The following FAM135B variants were observed in gnomAD, a reference collection of about 807,000 sequenced individuals.
FAM135B encodes protein FAM135B.
Under a neutral mutation model 127.7 loss-of-function variants are expected in FAM135B, and 43 were observed. The ratio of observed to expected loss-of-function variants is 0.34; its 90% CI spans 0.26 to 0.43. The LOEUF is 0.43. Ranked by LOEUF, FAM135B falls within the 20% of genes least tolerant of loss-of-function variation. The probability of loss-of-function intolerance (pLI) is 1.00; values close to 1 mark genes in which losing one functional copy is unlikely to be tolerated. For synonymous variants in FAM135B, 670 were observed against 665.1 expected (o/e 1.01, Z -0.11); for missense variants, 1,558 against 1,725.6 (o/e 0.90, Z 1.72).
At chr8:138,327,927 T>C (rs1827917401) in intron 2 of FAM135B, among the ~76,000 whole-genome samples, 1 of 152,054 alleles carries the variant, frequency 6.6e-6, no homozygotes, top group South Asian at 2.1e-4. Flanking sequence ...TGAGAGAGAC[T>C]TCATATTGCA....
At chr8:138,188,086 A>C (rs1815752321) in intron 9 of FAM135B, among the ~76,000 whole-genome samples, 1 of 152,186 alleles carries the variant, frequency 6.6e-6, no homozygotes, top group Non-Finnish European at 1.5e-5. Context: ...TTCAACTGCT[A>C]GGAGGAGCTC....
At chr8:138,493,210 C>A (rs1772892106) in intron 1 of FAM135B, among the ~76,000 whole-genome samples, 1 of 152,164 alleles carries the variant, frequency 6.6e-6, no homozygotes, top group Non-Finnish European at 1.5e-5. Context: ...GATAGCTCAG[C>A]AGATATTAGC....
intron 9 of FAM135B, among the ~76,000 whole-genome samples, chr8:138,190,546 C>G (rs1343616891): frequency 1.3e-5 from 2 of 152,158 alleles, no homozygotes; most frequent in African/African-American, 4.8e-5. Flanking sequence ...TTGGAAGAAC[C>G]CTGCAAAGCT....
intron 2 of FAM135B, among the ~76,000 whole-genome samples, chr8:138,314,879 CAAAAAAAA>C (rs35189245): frequency 4.7e-5 from 4 of 85,480 alleles, no homozygotes; most frequent in African/African-American, 1.8e-4. Flanking sequence ...GACCTTACCT[CAAAAAAAA>C]AAAAAAAAAA....
chr8:138,280,870 C>A (rs1447558507), intron 3 of FAM135B, among the ~76,000 whole-genome samples: 1 of 152,030 alleles, frequency 6.6e-6, no homozygotes, highest in Admixed American at 6.6e-5. Flanking sequence ...GAGGGTGCAT[C>A]ATCGCATGCA....
intron 4 of FAM135B, among the ~76,000 whole-genome samples, chr8:138,260,262 C>T (rs1254366878): frequency 6.6e-6 from 1 of 152,206 alleles, no homozygotes; most frequent in Non-Finnish European, 1.5e-5. Context: ...GCCTCACTAA[C>T]TGACCAGGGC....
rs55837421 is a variant in FAM135B, at chr8:138,242,165, TTGTGTGTGTG to T, written c.669+767_669+776del. Among the ~76,000 whole-genome samples the T allele has an allele frequency of 0.014, 1,768 of 130,068 alleles. 15 individuals carry two copies. The highest frequency in any genetic ancestry group is 0.036 in the Middle Eastern group (9 of 248). The allele number at this position is 130,068 out of a possible 152,430, so 85.3% of individuals were successfully genotyped here. A position where few individuals can be genotyped will look rare whatever the true frequency, so the allele number is the denominator to read the frequency against. ...AGTCAATTACTTATGATAAATCTCTTTGTGTGTGTGTGTGTGTGTGTGTGTGTGTGTGTGT... is the reference window on the plus strand; with the variant it reads ...AGTCAATTACTTATGATAAATCTCTTTGTGTGTGTGTGTGTGTGTGTGTGT... On this transcript the variant is annotated intron_variant, in intron 7 of 19. Transcript: ENST00000395297. This position sits in a 1 kb window ranked among gnomAD's most constrained non-coding sequence, Gnocchi z 9.6.
chr8:138,386,899 C>T (rs958929205), intron 1 of FAM135B, among the ~76,000 whole-genome samples: 3 of 151,966 alleles, frequency 2.0e-5, no homozygotes, highest in Admixed American at 6.6e-5. Context: ...GGAAGTATGA[C>T]GAGATAATGA....
chr8:138,479,692 T>G (rs1814695202), intron 1 of FAM135B, among the ~76,000 whole-genome samples: 1 of 152,204 alleles, frequency 6.6e-6, no homozygotes, highest in Non-Finnish European at 1.5e-5. Context: ...TAAAATAAAT[T>G]CAACAAATAT....
At chr8:138,338,732 C>T (rs1828812942) in intron 2 of FAM135B, among the ~76,000 whole-genome samples, 1 of 152,158 alleles carries the variant, frequency 6.6e-6, no homozygotes, top group African/African-American at 2.4e-5. Context: ...ACTAGAAATA[C>T]CATTTGACTC....
intron 2 of FAM135B, among the ~76,000 whole-genome samples, chr8:138,311,424 A>T (rs760482991): frequency 1.3e-5 from 2 of 152,210 alleles, no homozygotes; most frequent in Non-Finnish European, 2.9e-5. Flanking sequence ...TAATTTTAAC[A>T]TAGCACTCCC....
At chr8:138,398,481 C>T (rs12548855) in intron 1 of FAM135B, among the ~76,000 whole-genome samples, 5,761 of 152,308 alleles carry the variant, frequency 0.038, 161 homozygotes, top group Non-Finnish European at 0.061. Context: ...GCACACAGTG[C>T]ACGGAAGAGT....
At chr8:138,446,571 A>T (rs1836173245) in intron 1 of FAM135B, among the ~76,000 whole-genome samples, 1 of 152,238 alleles carries the variant, frequency 6.6e-6, no homozygotes, top group Non-Finnish European at 1.5e-5. Context: ...TCCCTATTTA[A>T]TAAATCGTTC....
At chr8:138,267,065 T>C (rs1055491174) in intron 3 of FAM135B, among the ~76,000 whole-genome samples, 1 of 152,192 alleles carries the variant, frequency 6.6e-6, no homozygotes, top group African/African-American at 2.4e-5. Flanking sequence ...TTATGAATGT[T>C]TATGTCTCCC....
rs114810741 is a variant in FAM135B, at chr8:138,324,309, C to T, written c.78-13389G>A. 1.7e-3 allele frequency among the ~76,000 whole-genome samples: 257 copies of T among 152,270 alleles called. 2 individuals are homozygous for T. The highest frequency in any genetic ancestry group is 5.8e-3 in the African/African-American group (243 of 41,556). On this transcript the variant is annotated intron_variant, in intron 2 of 19. Coordinates refer to ENST00000395297, the MANE Select transcript of FAM135B (RefSeq NM_015912.4). ...ACTCCTAAGTCAGGTAAGAGATCTA[C>T]GTAGTATTAGATAGCATTTATTCTT...
At position 138,332,701 on chromosome 8, in the gene FAM135B, C is replaced by T. The variant is rs192675584; in HGVS notation, c.78-21781G>A. ...GAAGGAGAAGAGTGAACACGGAGTGCAGGAAACCCGGGCAGGATTTAGGGG... is the reference window on the plus strand; with the variant it reads ...GAAGGAGAAGAGTGAACACGGAGTGTAGGAAACCCGGGCAGGATTTAGGGG... On this transcript the variant is annotated intron_variant, in intron 2 of 19. Transcript: ENST00000395297. 5.9e-5 allele frequency among the ~76,000 whole-genome samples: 9 copies of T among 152,122 alleles called. No individual in the cohort carries two copies. In the East Asian group the frequency reaches 1.4e-3, roughly 23 times the overall value.
chr8:138,178,583 C>A lies in FAM135B; in HGVS notation c.981G>T (p.Leu327=). 3 of 1,614,062 alleles carry A rather than the reference C, an allele frequency of 1.9e-6. No homozygotes were observed. The highest frequency in any genetic ancestry group is 2.5e-6 in the Non-Finnish European group (3 of 1,180,016). Residue 327 remains leucine (L), a synonymous_variant, in exon 10 of 20, where the codon CTG becomes CTT. Transcript: ENST00000395297. ...TGAGATAAGTGGTCACTTGGGAGTG[C>A]AGAGTGACTGTGTCCAGGAACTGGG... ...LWTQFLDTVT[L]HSQVTTYLTQ...
chr8:138,387,794 G>T (rs1477274621), intron 1 of FAM135B, among the ~76,000 whole-genome samples: 2 of 152,050 alleles, frequency 1.3e-5, no homozygotes, highest in African/African-American at 4.8e-5. Flanking sequence ...TTACTCTCAA[G>T]TCCCAGTCAT....
chr8:138,436,212 T>C (rs1835446268), intron 1 of FAM135B, among the ~76,000 whole-genome samples: 1 of 152,168 alleles, frequency 6.6e-6, no homozygotes, highest in South Asian at 2.1e-4. Context: ...GCTAAAACGA[T>C]GAGAGAACCC....
Sources: gnomAD v4.1 joint callset for allele counts (sites outside exome capture counted in the v4.1 genomes callset) on GRCh38, gnomAD v4.1.1 for gene constraint, Gnocchi (gnomAD v3.1) non-coding constraint, MANE v1.5 for transcripts, NCBI Gene and HGNC (gene_info 2026-07-23, HGNC 2026-07-21) for gene names.